AGBL4: variants seen among roughly 807,000 people sequenced by gnomAD.
AGBL4 encodes the protein cytosolic carboxypeptidase 6.
A neutral mutation model predicts 66.4 loss-of-function variants in AGBL4; 58 were observed. That is an observed-to-expected ratio of 0.87 (90% CI 0.71 to 1.09). The LOEUF is 1.09. Ranked by LOEUF, AGBL4 falls within the 50% of genes least tolerant of loss-of-function variation. The probability of loss-of-function intolerance (pLI) is 0.00; values close to 1 mark genes in which losing one functional copy is unlikely to be tolerated. For synonymous variants in AGBL4, 234 were observed against 222.9 expected (o/e 1.05, Z -0.44); for missense variants, 579 against 631.0 (o/e 0.92, Z 0.88).
At chr1:48,998,032 T>C (rs766642631) in intron 5 of AGBL4, among the ~76,000 whole-genome samples, 6 of 152,192 alleles carry the variant, frequency 3.9e-5, no homozygotes, top group East Asian at 1.9e-4. Context: ...AAGAACCCTT[T>C]AGGTTGGGTA....
At chr1:48,893,004 A>G (rs1310827996) in intron 5 of AGBL4, among the ~76,000 whole-genome samples, 1 of 152,214 alleles carries the variant, frequency 6.6e-6, no homozygotes, top group East Asian at 1.9e-4. Flanking sequence ...ACACACCTGC[A>G]TATACACAGA....
intron 6 of AGBL4, among the ~76,000 whole-genome samples, chr1:48,804,481 A>G (rs1335452108): frequency 6.6e-6 from 1 of 152,176 alleles, no homozygotes; most frequent in African/African-American, 2.4e-5. Context: ...ATTTATACAC[A>G]AGTCTCTCTG....
intron 5 of AGBL4, among the ~76,000 whole-genome samples, chr1:48,994,831 A>G (rs1376568903): frequency 6.6e-6 from 1 of 152,196 alleles, no homozygotes; most frequent in Non-Finnish European, 1.5e-5. Context: ...GTTCTGTAGT[A>G]TATATTTCCT....
chr1:48,552,556 T>C (rs528212252), intron 11 of AGBL4, among the ~76,000 whole-genome samples: 87 of 152,318 alleles, frequency 5.7e-4, no homozygotes, highest in African/African-American at 2.0e-3. Context: ...TTCTGTGTTG[T>C]GGGGGCAGCC....
At chr1:49,098,483 G>T (rs575753695) in intron 4 of AGBL4, among the ~76,000 whole-genome samples, 4 of 152,194 alleles carry the variant, frequency 2.6e-5, no homozygotes, top group Non-Finnish European at 4.4e-5. Flanking sequence ...GGAAAATGCC[G>T]GAAGAGTAAC....
chr1:49,327,415 T>C (rs1258149705), intron 3 of AGBL4, among the ~76,000 whole-genome samples: 1 of 152,206 alleles, frequency 6.6e-6, no homozygotes, highest in East Asian at 1.9e-4. Flanking sequence ...ATTATCTTAG[T>C]CCATTCATGC....
chr1:48,553,671 G>T (rs2148286751), intron 11 of AGBL4, among the ~76,000 whole-genome samples: 1 of 152,190 alleles, frequency 6.6e-6, no homozygotes, highest in African/African-American at 2.4e-5. Context: ...TTTCTGGGAA[G>T]AGTATTCATA....
intron 2 of AGBL4, among the ~76,000 whole-genome samples, chr1:49,722,056 T>A (rs1331846445): frequency 6.6e-6 from 1 of 152,122 alleles, no homozygotes; most frequent in African/African-American, 2.4e-5. Context: ...AAATGAAATT[T>A]AAGCTTTAAG....
intron 6 of AGBL4, among the ~76,000 whole-genome samples, chr1:48,795,662 GT>G (rs1298354367): frequency 6.6e-6 from 1 of 151,846 alleles, no homozygotes; most frequent in Non-Finnish European, 1.5e-5. Flanking sequence ...TCTATGCAAT[GT>G]TTTTTTTGAG....
At chr1:48,579,636 C>G (rs1644706920) in intron 11 of AGBL4, among the ~76,000 whole-genome samples, 1 of 150,898 alleles carries the variant, frequency 6.6e-6, no homozygotes, top group Non-Finnish European at 1.5e-5. Flanking sequence ...TCCGGCCAGG[C>G]ATGGTGGCTC....
rs141053909 is a variant in AGBL4 at position 49,850,548 on chromosome 1, A to G, written c.157+848T>C. Among the ~76,000 whole-genome samples the G allele has an allele frequency of 5.3e-3, 812 of 152,270 alleles. 5 individuals carry two copies. The highest frequency in any genetic ancestry group is 0.031 in the Middle Eastern group (9 of 294). Reference sequence around the variant, plus strand: ...TACTTTGTTATATCAGCCTTATCAAACCTATACAATATGACATAATCAAAG... The same window carrying G: ...TACTTTGTTATATCAGCCTTATCAAGCCTATACAATATGACATAATCAAAG... On this transcript the variant is annotated intron_variant, in intron 2 of 13. Transcript: ENST00000371839.
rs181271648 is a variant in AGBL4, at chr1:49,626,157, T to C, written c.282+71156A>G. On this transcript the variant is annotated intron_variant, in intron 3 of 13. Transcript: ENST00000371839. ...ATGCAGTCCATATAAAGGCCTCTTA[T>C]GTATTGTACATACCACATCCTAAAG... is the stretch of plus-strand genomic sequence containing the variant. Among the ~76,000 whole-genome samples the C allele has an allele frequency of 1.9e-3, 283 of 152,266 alleles. 2 individuals carry two copies. The highest frequency in any genetic ancestry group is 6.5e-3 in the African/African-American group (269 of 41,576).
chr1:49,253,974 G>A (rs186358664), intron 3 of AGBL4, among the ~76,000 whole-genome samples: 3 of 152,236 alleles, frequency 2.0e-5, no homozygotes, highest in Non-Finnish European at 4.4e-5. Context: ...ATTACTTCAT[G>A]TTAAAAACTC....
rs553569231 is a variant in AGBL4, at chr1:49,895,865, C to T, written c.35-44347G>A. On this transcript the variant is annotated intron_variant, in intron 1 of 13. Coordinates refer to ENST00000371839, the MANE Select transcript of AGBL4 (RefSeq NM_032785.4). ...AAATAACAAAATGGCAACACAAGTC[C>T]TTATTTATCAATAATAACATCAAAT... is the stretch of plus-strand genomic sequence containing the variant. Among the ~76,000 whole-genome samples the T allele has an allele frequency of 4.6e-5, 7 of 151,266 alleles. No individual in the cohort carries two copies. In the East Asian group the frequency reaches 1.4e-3, roughly 30 times the overall value.
At chr1:48,673,660 A>C (rs1220479728) in intron 6 of AGBL4, among the ~76,000 whole-genome samples, 1 of 138,208 alleles carries the variant, frequency 7.2e-6, no homozygotes, top group Non-Finnish European at 1.5e-5. Flanking sequence ...AAAACAAACC[A>C]ATTGTTCTGG....
At chr1:49,996,177 T>C (rs1660356369) in intron 1 of AGBL4, 1 of 151,820 alleles carries the variant, frequency 6.6e-6, no homozygotes, top group African/African-American at 2.4e-5. Context: ...CCCAAAAAAA[T>C]CACATTAGCT....
intron 1 of AGBL4, among the ~76,000 whole-genome samples, chr1:49,945,917 T>C (rs1160902423): frequency 9.9e-5 from 15 of 152,036 alleles, no homozygotes. Flanking sequence ...TCTATTCTTA[T>C]ATCAAACAAA....
intron 4 of AGBL4, among the ~76,000 whole-genome samples, chr1:49,161,844 T>A (rs980252383): frequency 9.2e-5 from 14 of 152,152 alleles, no homozygotes; most frequent in Admixed American, 7.2e-4. Flanking sequence ...AGCTTAGCAG[T>A]CCCTCTCAGG....
chr1:49,411,377 C>T (rs1412928135), intron 3 of AGBL4, among the ~76,000 whole-genome samples: 2 of 152,200 alleles, frequency 1.3e-5, no homozygotes, highest in Non-Finnish European at 2.9e-5. Context: ...TGCCTATCCA[C>T]ACTGAGGGTA....
Sources: gnomAD v4.1 joint callset for allele counts (sites outside exome capture counted in the v4.1 genomes callset) on GRCh38, gnomAD v4.1.1 for gene constraint, MANE v1.5 for transcripts, NCBI Gene and HGNC (gene_info 2026-07-23, HGNC 2026-07-21) for gene names.